Variants in CLSTN2 observed in about 807,000 individuals in gnomAD.
The protein encoded by CLSTN2 is calsyntenin-2.
A neutral mutation model predicts 101.2 loss-of-function variants in CLSTN2; 48 were observed. That is an observed-to-expected ratio of 0.47 (90% CI 0.38 to 0.60). The LOEUF is 0.60. Among genes scored for constraint, CLSTN2 ranks in the 20% least tolerant of loss-of-function variants. CLSTN2 has a pLI of 0.00. For synonymous variants in CLSTN2, 481 were observed against 463.6 expected, an observed-to-expected ratio of 1.04 and a Z score of -0.48; for missense variants, 1,160 against 1,238.2, an observed-to-expected ratio of 0.94 and a Z score of 0.95.
intron 1 of CLSTN2, among the ~76,000 whole-genome samples, chr3:140,138,695 C>A (rs1041550722): frequency 2.0e-5 from 3 of 152,162 alleles, no homozygotes; most frequent in African/African-American, 7.2e-5. Flanking sequence ...CTGAGTTACC[C>A]CCTACTCTCA....
intron 8 of CLSTN2, among the ~76,000 whole-genome samples, chr3:140,482,396 G>T (rs1224692480): frequency 6.6e-6 from 1 of 152,082 alleles, no homozygotes; most frequent in Non-Finnish European, 1.5e-5. Context: ...CAGGGATACT[G>T]GTCTAAAATT....
Position 140,438,431 on chromosome 3 carries a change from T to TAAAAAAAAAAAAAAAAAAAAAAA in CLSTN2, c.788-10066_788-10065insAAAAAAAAAAAAAAAAAAAAAAA. Among the ~76,000 whole-genome samples, 7 of 45,676 alleles carry TAAAAAAAAAAAAAAAAAAAAAAA rather than the reference T, an allele frequency of 1.5e-4. 1 individual carries two copies. Among genetic ancestry groups the TAAAAAAAAAAAAAAAAAAAAAAA allele is most frequent in the Admixed American group, 8.7e-4 (2 of 2,292 alleles). The allele number at this position is 45,676 out of a possible 152,430, so 30.0% of individuals were successfully genotyped here. ...CCACCTAGGAAAATGGTCCTTTCAT[T>TAAAAAAAAAAAAAAAAAAAAAAA]AAAAAAAAAAAAAAAAAAAAAAGCT... On this transcript the variant is annotated intron_variant, in intron 5 of 16. Coordinates refer to ENST00000458420, the MANE Select transcript of CLSTN2 (RefSeq NM_022131.3).
chr3:140,265,332 G>T (rs967252618), intron 2 of CLSTN2, among the ~76,000 whole-genome samples: 2 of 152,140 alleles, frequency 1.3e-5, no homozygotes, highest in Non-Finnish European at 2.9e-5. Context: ...CGGAGGAGGA[G>T]CCCCAAAGCC....
At chr3:140,390,850 C>A (rs1476623705) in intron 2 of CLSTN2, among the ~76,000 whole-genome samples, 1 of 152,192 alleles carries the variant, frequency 6.6e-6, no homozygotes. Flanking sequence ...CTTGGCTCTT[C>A]ACATGTCAAG....
At chr3:140,189,420 C>G (rs757405687) in intron 2 of CLSTN2, among the ~76,000 whole-genome samples, 1 of 152,042 alleles carries the variant, frequency 6.6e-6, no homozygotes, top group Non-Finnish European at 1.5e-5. Flanking sequence ...TTGATCTTGT[C>G]GCTGTTTTTT....
intron 2 of CLSTN2, among the ~76,000 whole-genome samples, chr3:140,208,418 C>A (rs927180245): frequency 6.6e-6 from 1 of 152,160 alleles, no homozygotes. Context: ...ACAATAAGAT[C>A]TTTTAATCTT....
chr3:140,420,736 A>G (rs367927372), intron 4 of CLSTN2, among the ~76,000 whole-genome samples: 2 of 152,360 alleles, frequency 1.3e-5, no homozygotes, highest in African/African-American at 2.4e-5. Context: ...TCTGAATTCC[A>G]TCTTTTTCCC....
At chr3:140,475,505 A>G (rs969644619) in intron 8 of CLSTN2, among the ~76,000 whole-genome samples, 1 of 152,156 alleles carries the variant, frequency 6.6e-6, no homozygotes, top group Admixed American at 6.5e-5. Flanking sequence ...TCTTCTGAAG[A>G]GCCTATTCTA....
intron 8 of CLSTN2, among the ~76,000 whole-genome samples, chr3:140,523,297 T>C (rs1341019246): frequency 6.6e-6 from 1 of 152,112 alleles, no homozygotes; most frequent in Non-Finnish European, 1.5e-5. Flanking sequence ...CCATCTCAAG[T>C]TTTCTTTGTG....
At chr3:140,440,795 G>T (rs2108003963) in intron 5 of CLSTN2, among the ~76,000 whole-genome samples, 1 of 152,316 alleles carries the variant, frequency 6.6e-6, no homozygotes, top group East Asian at 1.9e-4. Context: ...ATTCTATAAA[G>T]AAGAAACTGC....
chr3:140,384,630 T>C (rs904878361), intron 2 of CLSTN2, among the ~76,000 whole-genome samples: 2 of 152,218 alleles, frequency 1.3e-5, no homozygotes, highest in Admixed American at 1.3e-4. Flanking sequence ...GAGTCACACC[T>C]GACAGGAAGC....
intron 2 of CLSTN2, among the ~76,000 whole-genome samples, chr3:140,272,121 A>T (rs941420186): frequency 6.6e-6 from 1 of 152,216 alleles, no homozygotes; most frequent in Non-Finnish European, 1.5e-5. Context: ...AGCTGGATAA[A>T]GGACAACCTT....
intron 1 of CLSTN2, among the ~76,000 whole-genome samples, chr3:140,060,232 G>C (rs2008179176): frequency 6.6e-6 from 1 of 152,160 alleles, no homozygotes; most frequent in Non-Finnish European, 1.5e-5. Flanking sequence ...CGTTGTGAAA[G>C]CTGAAAGACT....
rs117553026 is a variant in CLSTN2, at chr3:140,147,165, A to G, written c.110-28786A>G. Among the ~76,000 whole-genome samples, 567 of 152,298 alleles carry G rather than the reference A, an allele frequency of 3.7e-3. 24 individuals carry two copies. The East Asian group carries it at 0.092, about 25-fold the overall frequency. ...CAAGACTACTTCCGTGCATTTAGGTAAATGTCTGTACAGAACCCAGTGGGT... is the reference window on the plus strand; with the variant it reads ...CAAGACTACTTCCGTGCATTTAGGTGAATGTCTGTACAGAACCCAGTGGGT... On this transcript the variant is annotated intron_variant, in intron 1 of 16. Transcript: ENST00000458420.
chr3:140,512,385 A>G (rs1311927164), intron 8 of CLSTN2, among the ~76,000 whole-genome samples: 1 of 152,128 alleles, frequency 6.6e-6, no homozygotes, highest in Non-Finnish European at 1.5e-5. Context: ...TGCTTTCCCC[A>G]TTGCTTGTTT....
chr3:140,394,360 G>T (rs1427016114), intron 2 of CLSTN2, among the ~76,000 whole-genome samples: 1 of 152,142 alleles, frequency 6.6e-6, no homozygotes, highest in Admixed American at 6.5e-5. Context: ...TGTACTACCT[G>T]CAATATCTTA....
intron 1 of CLSTN2, among the ~76,000 whole-genome samples, chr3:140,160,544 T>A (rs1347542515): frequency 6.6e-6 from 1 of 152,208 alleles, no homozygotes; most frequent in Non-Finnish European, 1.5e-5. Flanking sequence ...ATAGCATTTT[T>A]CTCATTCCAT....
intron 2 of CLSTN2, among the ~76,000 whole-genome samples, chr3:140,272,483 C>T (rs2086751858): frequency 6.6e-6 from 1 of 152,184 alleles, no homozygotes; most frequent in African/African-American, 2.4e-5. Flanking sequence ...GGTGTGGTGG[C>T]CCATGCCTGT....
intron 2 of CLSTN2, among the ~76,000 whole-genome samples, chr3:140,330,927 G>A (rs769151969): frequency 1.1e-4 from 17 of 152,136 alleles, no homozygotes; most frequent in Non-Finnish European, 2.2e-4. Flanking sequence ...TTCTCCAGAG[G>A]GACAGAATCA....
Sources: allele counts gnomAD v4.1 joint callset (sites outside exome capture counted in the v4.1 genomes callset), GRCh38; gene constraint gnomAD v4.1.1; transcripts MANE v1.5; gene names NCBI Gene and HGNC (gene_info 2026-07-23, HGNC 2026-07-21).